The following RMDN2 variants were observed in gnomAD, a reference collection of about 807,000 sequenced individuals.
RMDN2 encodes the protein regulator of microtubule dynamics 2, also known as regulator of microtubule dynamics protein 2.
In RMDN2, 61 loss-of-function variants were observed where a neutral mutation model predicts 52.8. The ratio of observed to expected loss-of-function variants is 1.16; its 90% CI spans 0.94 to 1.43. RMDN2 has a LOEUF of 1.43. Ranked by LOEUF, RMDN2 falls within the 40% of genes most tolerant of loss-of-function variation. The pLI is 0.00. For synonymous variants in RMDN2, 180 were observed against 153.1 expected (o/e 1.18, Z -1.30); for missense variants, 592 against 475.3 (o/e 1.25, Z -2.28).
chr2:37,968,713 G>C (rs143013174), intron 2 of RMDN2, among the ~76,000 whole-genome samples: 48 of 152,232 alleles, frequency 3.2e-4, no homozygotes, highest in African/African-American at 1.1e-3. Flanking sequence ...CAGAAGAAAG[G>C]ACCAGAAAAG....
intron 4 of RMDN2, among the ~76,000 whole-genome samples, chr2:37,977,477 C>T (rs996041185): frequency 6.6e-6 from 1 of 150,734 alleles, no homozygotes; most frequent in Non-Finnish European, 1.5e-5. Context: ...CTGCCCCCAC[C>T]TCCCGGACGG....
At chr2:38,008,668 T>A (rs1184161027) in intron 10 of RMDN2, among the ~76,000 whole-genome samples, 3 of 152,152 alleles carry the variant, frequency 2.0e-5, no homozygotes, top group Non-Finnish European at 4.4e-5. Flanking sequence ...CCAATTGGCC[T>A]GTCTGTGTCT....
intron 6 of RMDN2, among the ~76,000 whole-genome samples, chr2:37,989,865 C>T (rs570407966): frequency 2.6e-5 from 4 of 152,032 alleles, no homozygotes; most frequent in Middle Eastern, 3.2e-3. Context: ...ATTAGTTGGC[C>T]GGGCACAGAG....
intron 4 of RMDN2, among the ~76,000 whole-genome samples, chr2:37,978,447 G>A (rs1558502596): frequency 1.3e-5 from 2 of 152,146 alleles, no homozygotes; most frequent in South Asian, 2.1e-4. Flanking sequence ...CAGGCTACAG[G>A]GGAGCTTATG....
At chr2:37,996,927 C>T (rs1292277432) in intron 7 of RMDN2, among the ~76,000 whole-genome samples, 3 of 152,070 alleles carry the variant, frequency 2.0e-5, no homozygotes, top group Non-Finnish European at 4.4e-5. Context: ...GATCCCTATT[C>T]TATTTACATA....
At chr2:38,014,769 G>A (rs1178305536) in intron 10 of RMDN2, among the ~76,000 whole-genome samples, 1 of 152,180 alleles carries the variant, frequency 6.6e-6, no homozygotes, top group African/African-American at 2.4e-5. Context: ...TACAATTATA[G>A]AGGTGTACTC....
At chr2:37,974,355 A>C in intron 3 of RMDN2, 141 bp downstream of exon 3, 1 of 480,790 alleles carries the variant, frequency 2.1e-6, no homozygotes, top group Non-Finnish European at 3.4e-6. Context: ...AAATGACTAA[A>C]ATTTTTTAAA....
chr2:37,960,542 C>G (rs553173842), intron 2 of RMDN2, among the ~76,000 whole-genome samples: 25 of 152,230 alleles, frequency 1.6e-4, no homozygotes, highest in African/African-American at 5.8e-4. Context: ...TGTCTTTGCA[C>G]ATGATATGGG....
intron 6 of RMDN2, among the ~76,000 whole-genome samples, chr2:37,990,685 A>G (rs1674669208): frequency 6.6e-6 from 1 of 152,144 alleles, no homozygotes; most frequent in Non-Finnish European, 1.5e-5. Context: ...TAAAGTAAGT[A>G]ATACACACAC....
intron 2 of RMDN2, among the ~76,000 whole-genome samples, chr2:37,971,336 G>A (rs1671781929): frequency 6.6e-6 from 1 of 151,962 alleles, no homozygotes; most frequent in South Asian, 2.1e-4. Context: ...GAAGAGTATT[G>A]TTTCCTCCGC....
At chr2:38,057,115 A>G (rs1681880723) in intron 10 of RMDN2, among the ~76,000 whole-genome samples, 5 of 152,206 alleles carry the variant, frequency 3.3e-5, no homozygotes, top group Admixed American at 2.6e-4. Flanking sequence ...GTCAACCATA[A>G]AGTGCTTTAG....
chr2:37,957,413 T>A (rs1669618508), intron 2 of RMDN2, among the ~76,000 whole-genome samples: 2 of 152,252 alleles, frequency 1.3e-5, no homozygotes, highest in Admixed American at 1.3e-4. Context: ...CCAGTGATGA[T>A]GAGCTTTTTT....
intron 10 of RMDN2, among the ~76,000 whole-genome samples, chr2:38,007,951 A>T (rs1314331187): frequency 6.6e-6 from 1 of 151,698 alleles, no homozygotes; most frequent in Non-Finnish European, 1.5e-5. Context: ...TTCTGCCTTC[A>T]TTTCTTTATG....
intron 10 of RMDN2, among the ~76,000 whole-genome samples, chr2:38,009,440 C>G (rs1028546202): frequency 6.6e-6 from 1 of 152,206 alleles, no homozygotes. Context: ...CACTTCTCCT[C>G]TCGCTTCATT....
At chr2:37,994,124 T>C (rs1336062908) in intron 7 of RMDN2, among the ~76,000 whole-genome samples, 3 of 152,018 alleles carry the variant, frequency 2.0e-5, no homozygotes, top group African/African-American at 7.2e-5. Context: ...AATTATAGAC[T>C]ATACAAGGAA....
chr2:37,958,237 G>A (rs916064511), intron 2 of RMDN2, among the ~76,000 whole-genome samples: 2 of 152,204 alleles, frequency 1.3e-5, no homozygotes, highest in Non-Finnish European at 2.9e-5. Context: ...ATTTGGGGCA[G>A]TATGGCCATT....
chr2:37,936,832 A>G (rs1310852027), intron 2 of RMDN2, among the ~76,000 whole-genome samples: 2 of 152,102 alleles, frequency 1.3e-5, no homozygotes, highest in Non-Finnish European at 2.9e-5. Context: ...ATTTTCTCCC[A>G]TTCTGTAGGG....
intron 10 of RMDN2, among the ~76,000 whole-genome samples, chr2:38,033,607 C>G (rs336038): frequency 0.34 from 51,296 of 152,158 alleles, 9,278 homozygotes; most frequent in Non-Finnish European, 0.42. Flanking sequence ...GACACACATT[C>G]ATTCTCCGCA....
intron 2 of RMDN2, among the ~76,000 whole-genome samples, chr2:37,961,874 G>A (rs1446962944): frequency 6.6e-6 from 1 of 152,150 alleles, no homozygotes. Context: ...GATGGGTTTT[G>A]CGTGGGCGTC....
Sources: allele counts gnomAD v4.1 joint callset (sites outside exome capture counted in the v4.1 genomes callset), GRCh38; gene constraint gnomAD v4.1.1; transcripts MANE v1.5; gene names NCBI Gene and HGNC (gene_info 2026-07-23, HGNC 2026-07-21).